Variants in SORCS2 observed in about 807,000 individuals in gnomAD.
SORCS2 encodes the protein sortilin related VPS10 domain containing receptor 2.
SORCS2 carries 100 observed loss-of-function variants against 141.6 expected under a neutral mutation model. The observed-to-expected ratio is 0.71, with a 90% confidence interval of 0.60 to 0.83. The LOEUF (loss-of-function observed/expected upper bound fraction) is 0.83. Among genes scored for constraint, SORCS2 ranks in the 40% least tolerant of loss-of-function variants. SORCS2 has a pLI of 0.00. For synonymous variants in SORCS2, 789 were observed against 676.9 expected (o/e 1.17, Z -2.57); for missense variants, 1,646 against 1,560.2 (o/e 1.05, Z -0.93).
At chr4:7,545,143 GAA>G (rs34817306) in intron 3 of SORCS2, among the ~76,000 whole-genome samples, 7,231 of 146,106 alleles carry the variant, frequency 0.049, 321 homozygotes, top group African/African-American at 0.12. Context: ...GGAGGGAAAA[GAA>G]AAAAAAAAAA....
chr4:7,425,541 C>T (rs1022760625), intron 2 of SORCS2, among the ~76,000 whole-genome samples: 2 of 152,154 alleles, frequency 1.3e-5, no homozygotes, highest in African/African-American at 2.4e-5. Flanking sequence ...ATTAGAAGCC[C>T]GACACCTGAG....
At chr4:7,623,306 A>C (rs879547105) in intron 3 of SORCS2, among the ~76,000 whole-genome samples, 1 of 151,826 alleles carries the variant, frequency 6.6e-6, no homozygotes, top group African/African-American at 2.4e-5. Context: ...TCCCACCATC[A>C]GTAATCAGTC....
At chr4:7,641,030 C>T (rs1342183142) in intron 4 of SORCS2, among the ~76,000 whole-genome samples, 1 of 152,178 alleles carries the variant, frequency 6.6e-6, no homozygotes, top group Non-Finnish European at 1.5e-5. Flanking sequence ...TGGAAAGAGG[C>T]AGCATGGACC....
At chr4:7,209,726 G>C (rs184671573) in intron 1 of SORCS2, among the ~76,000 whole-genome samples, 154 of 152,060 alleles carry the variant, frequency 1.0e-3, no homozygotes, top group African/African-American at 3.7e-3. Flanking sequence ...TGTGGGGTCG[G>C]GTTTTTGGCA....
chr4:7,498,415 T>C (rs1051069001), intron 2 of SORCS2, among the ~76,000 whole-genome samples: 1 of 152,236 alleles, frequency 6.6e-6, no homozygotes, highest in African/African-American at 2.4e-5. Flanking sequence ...TTCCAGAATG[T>C]ACAGGCAAGA....
chr4:7,698,716 G>A (rs531310401), intron 12 of SORCS2, among the ~76,000 whole-genome samples: 4 of 152,260 alleles, frequency 2.6e-5, no homozygotes, highest in Non-Finnish European at 5.9e-5. Context: ...CCGAGGCCTG[G>A]CCAGGGCAGT....
chr4:7,545,719 G>A lies in SORCS2; in HGVS notation c.648+14090G>A, dbSNP rs190584458. On this transcript the variant is annotated intron_variant, in intron 3 of 26. Coordinates refer to ENST00000507866, the MANE Select transcript of SORCS2 (RefSeq NM_020777.3). ...CACCCCACAGGCCCTGGAGAGCCTG[G>A]TGTTTGTGGGCACCTGCCTGCCTTT... 3.8e-3 allele frequency among the ~76,000 whole-genome samples: 578 copies of A among 152,322 alleles called. 6 individuals are homozygous for A. Among genetic ancestry groups the A allele is most frequent in the Non-Finnish European group, 6.6e-3 (451 of 68,034 alleles).
chr4:7,438,655 T>C (rs1323655639), intron 2 of SORCS2, among the ~76,000 whole-genome samples: 3 of 151,926 alleles, frequency 2.0e-5, no homozygotes, highest in Non-Finnish European at 4.4e-5. Context: ...CTGCCTCTCT[T>C]TTTCCTTCCT....
chr4:7,196,510 G>A (rs1727174335), intron 1 of SORCS2, among the ~76,000 whole-genome samples: 1 of 152,124 alleles, frequency 6.6e-6, no homozygotes, highest in Admixed American at 6.5e-5. Context: ...CAACTTTGAA[G>A]CTGAATGTAT....
intron 1 of SORCS2, among the ~76,000 whole-genome samples, chr4:7,315,475 C>T (rs1468983425): frequency 6.6e-6 from 1 of 152,208 alleles, no homozygotes; most frequent in African/African-American, 2.4e-5. Context: ...TGGGGCAGGC[C>T]AGGGCTGGTG....
intron 4 of SORCS2, among the ~76,000 whole-genome samples, chr4:7,644,059 A>T (rs1720902225): frequency 1.3e-5 from 2 of 152,160 alleles, no homozygotes; most frequent in Non-Finnish European, 2.9e-5. Flanking sequence ...GTAAGCAGAA[A>T]AGGGATTTAA....
intron 1 of SORCS2, among the ~76,000 whole-genome samples, chr4:7,206,558 A>G (rs1223531781): frequency 6.6e-6 from 1 of 152,126 alleles, no homozygotes; most frequent in African/African-American, 2.4e-5. Flanking sequence ...ATTATGGCAC[A>G]TATCTGCAGA....
At chr4:7,653,858 G>T (rs144341832) in intron 4 of SORCS2, among the ~76,000 whole-genome samples, 1 of 152,192 alleles carries the variant, frequency 6.6e-6, no homozygotes, top group African/African-American at 2.4e-5. Flanking sequence ...CACCTTTGAG[G>T]CTCAGACACA....
chr4:7,302,796 CGT>C lies in SORCS2; in HGVS notation c.481-93481_481-93480del, dbSNP rs1369635081. On this transcript the variant is annotated intron_variant, in intron 1 of 26. Coordinates refer to ENST00000507866, the MANE Select transcript of SORCS2 (RefSeq NM_020777.3). ...GTGTGTGTGTGTGTGTGTGCGCGCG[CGT>C]GTGTGTGTGTTTGTAGGAGTGTTCT... is the stretch of plus-strand genomic sequence containing the variant. Among the ~76,000 whole-genome samples the C allele has an allele frequency of 8.3e-3, 786 of 94,666 alleles. 6 individuals carry two copies. Among genetic ancestry groups the C allele is most frequent in the African/African-American group, 0.021 (526 of 24,884 alleles). 62.1% of individuals were successfully genotyped at this position (94,666 alleles called of 152,430 possible).
At chr4:7,661,154 G>A (rs1209208648) in intron 5 of SORCS2, among the ~76,000 whole-genome samples, 1 of 152,146 alleles carries the variant, frequency 6.6e-6, no homozygotes, top group Non-Finnish European at 1.5e-5. Flanking sequence ...AAAAAGCAAC[G>A]TGAAAGTCTT....
intron 1 of SORCS2, among the ~76,000 whole-genome samples, chr4:7,394,880 C>T (rs557044555): frequency 2.4e-4 from 37 of 152,166 alleles, no homozygotes; most frequent in Non-Finnish European, 4.0e-4. Flanking sequence ...TGGATGGGGC[C>T]GGATCAAACA....
chr4:7,730,331 T>TC (rs1247376147), intron 23 of SORCS2, among the ~76,000 whole-genome samples: 1 of 152,186 alleles, frequency 6.6e-6, no homozygotes, highest in African/African-American at 2.4e-5. Context: ...TGGAAAGGGT[T>TC]CAGCTGCTGT....
intron 1 of SORCS2, among the ~76,000 whole-genome samples, chr4:7,327,902 C>T (rs1719382535): frequency 6.6e-6 from 1 of 152,130 alleles, no homozygotes; most frequent in African/African-American, 2.4e-5. Context: ...TCTTGTCCCC[C>T]TCCAGACCAA....
At chr4:7,491,442 C>T (rs142528055) in intron 2 of SORCS2, among the ~76,000 whole-genome samples, 7 of 152,350 alleles carry the variant, frequency 4.6e-5, no homozygotes, top group East Asian at 1.9e-4. Context: ...GCAGGTGCAG[C>T]GGCTGCACTT....
Sources: allele counts gnomAD v4.1 joint callset (sites outside exome capture counted in the v4.1 genomes callset), GRCh38; gene constraint gnomAD v4.1.1; transcripts MANE v1.5; gene names NCBI Gene and HGNC (gene_info 2026-07-23, HGNC 2026-07-21).